The following ARL17B variants were observed in gnomAD, a reference collection of about 807,000 sequenced individuals.
ARL17B encodes ARF like GTPase 17B.
intron 4 of ARL17B, among the ~76,000 whole-genome samples, chr17:46,290,600 C>T (rs62073176): frequency 0.12 from 18,070 of 148,862 alleles, 30 homozygotes; most frequent in Middle Eastern, 0.19. Context: ...GTGCCTGCCA[C>T]CATGCCTGGC....
chr17:46,288,305 CTTTTT>C (rs78255121), intron 4 of ARL17B, among the ~76,000 whole-genome samples: 1 of 112,248 alleles, frequency 8.9e-6, no homozygotes, highest in East Asian at 3.0e-4. Flanking sequence ...CCAGGCCCGG[CTTTTT>C]TTTTTTTTTT....
At chr17:46,290,558 T>C (rs1233316966) in intron 4 of ARL17B, among the ~76,000 whole-genome samples, 2 of 152,286 alleles carry the variant, frequency 1.3e-5, no homozygotes, top group African/African-American at 4.8e-5. Flanking sequence ...GTGATTCTCC[T>C]CCCTCAGCCT....
At chr17:46,287,021 ACTTAAAT>A (rs2049939562) in intron 4 of ARL17B, among the ~76,000 whole-genome samples, 1 of 152,220 alleles carries the variant, frequency 6.6e-6, no homozygotes, top group African/African-American at 2.4e-5. Flanking sequence ...GCTGCATGGT[ACTTAAAT>A]CTGTCTTCCC....
At chr17:46,277,476 G>T (rs1411696613) in intron 4 of ARL17B, among the ~76,000 whole-genome samples, 1 of 152,150 alleles carries the variant, frequency 6.6e-6, no homozygotes, top group Non-Finnish European at 1.5e-5. Context: ...TTTAGAAATT[G>T]AACCAGAGGA....
Position 46,317,162 on chromosome 17 carries a change from C to T in ARL17B, c.260-17497G>A, listed in dbSNP as rs550053872. Among the ~76,000 whole-genome samples the T allele has an allele frequency of 2.4e-4, 20 of 83,442 alleles. 1 individual carries two copies. The highest frequency in any genetic ancestry group is 6.2e-4 in the Admixed American group (5 of 8,076). The allele number at this position is 83,442 out of a possible 152,430, so 54.7% of individuals were successfully genotyped here. ...AGATGGGGTGGCGGCCGGGCAGAGG[C>T]GCTCCTCACATCCCAGACGGGCATG... On this transcript the variant is annotated intron_variant, in intron 3 of 4. Coordinates refer to the ARL17B transcript ENST00000434041.
chr17:46,300,074 T>C (rs573551338), intron 3 of ARL17B, among the ~76,000 whole-genome samples: 2 of 61,576 alleles, frequency 3.2e-5, no homozygotes, highest in East Asian at 5.9e-4. Flanking sequence ...TTATTTTTTA[T>C]CATACAAATA....
chr17:46,334,584 T>G (rs1332824517), downstream of ARL17B: 2 of 36,170 alleles, frequency 5.5e-5, no homozygotes, highest in Non-Finnish European at 9.9e-5. Context: ...GGCAGGCAGC[T>G]AATTTAAAAA....
At position 46,286,829 on chromosome 17, in the gene ARL17B, A is replaced by C. The variant is rs2049932859; in HGVS notation, c.*22-11411T>G. Among the ~76,000 whole-genome samples, 5 of 152,256 alleles carry C rather than the reference A, an allele frequency of 3.3e-5. No individual in the cohort carries two copies. In the South Asian group the frequency reaches 1.0e-3, roughly 31 times the overall value. On this transcript the variant is annotated intron_variant, in intron 4 of 4. Transcript: ENST00000570618. ...GCAGGTGTTCTGCAGATACAGTACA[A>C]TTCCTCACTGCTGCCCTCTTGTGCC...
At chr17:46,284,315 C>A (rs1178770927) in intron 4 of ARL17B, among the ~76,000 whole-genome samples, 1 of 149,018 alleles carries the variant, frequency 6.7e-6, no homozygotes, top group African/African-American at 2.4e-5. Flanking sequence ...GGGCACTTGA[C>A]ATTAGGGAGT....
chr17:46,332,833 T>G, downstream of ARL17B: 1 of 410,480 alleles, frequency 2.4e-6, no homozygotes, highest in Non-Finnish European at 4.7e-6. Context: ...TATTTCAGGA[T>G]TTTTAAAGGA....
At chr17:46,283,412 G>A (rs538494026) in intron 4 of ARL17B, among the ~76,000 whole-genome samples, 1 of 152,340 alleles carries the variant, frequency 6.6e-6, no homozygotes, top group African/African-American at 2.4e-5. Flanking sequence ...GAAAAAGTAG[G>A]CATTCTTATT....
downstream of ARL17B, chr17:46,331,440 C>G (rs1409431404): frequency 4.6e-6 from 7 of 1,514,656 alleles, no homozygotes; most frequent in Non-Finnish European, 6.3e-6. Context: ...AAGAATAATA[C>G]AAAACACACA....
At chr17:46,324,154 C>T (rs1273962921) in intron 3 of ARL17B, among the ~76,000 whole-genome samples, 1 of 117,494 alleles carries the variant, frequency 8.5e-6, no homozygotes, top group Admixed American at 8.6e-5. Context: ...GCCTGTAATC[C>T]CAGCTACTCA....
intron 4 of ARL17B, among the ~76,000 whole-genome samples, chr17:46,289,652 A>ATT (rs1247888507): frequency 6.6e-6 from 1 of 152,222 alleles, no homozygotes; most frequent in Non-Finnish European, 1.5e-5. Context: ...AATCTGACAC[A>ATT]TTTATAAATT....
chr17:46,302,746 T>C lies in ARL17B; in HGVS notation c.260-3081A>G, dbSNP rs2050394194. ...AATTATATTTATGAGTTTTTAGTCA[T>C]ATTATCTGTAAAATGAATAAGGGGT... On this transcript the variant is annotated intron_variant, in intron 3 of 4. Coordinates refer to the ARL17B transcript ENST00000434041. 2 of 169,902 alleles carry C rather than the reference T, an allele frequency of 1.2e-5. 1 individual carries two copies. 10.5% of individuals were successfully genotyped at this position (169,902 alleles called of 1,614,324 possible).
chr17:46,340,076 T>C (rs1461943054), intron 3 of ARL17B, among the ~76,000 whole-genome samples: 1 of 94,250 alleles, frequency 1.1e-5, no homozygotes, highest in Non-Finnish European at 2.5e-5. Context: ...TCAGAGTTTT[T>C]TCTGGAATGT....
chr17:46,287,082 C>A (rs2049940966), intron 4 of ARL17B, among the ~76,000 whole-genome samples: 1 of 152,220 alleles, frequency 6.6e-6, no homozygotes, highest in African/African-American at 2.4e-5. Context: ...TGCTATGAGT[C>A]AGCTAAACAT....
intron 4 of ARL17B, among the ~76,000 whole-genome samples, chr17:46,281,500 G>T (rs2049761644): frequency 6.6e-6 from 1 of 152,000 alleles, no homozygotes; most frequent in Non-Finnish European, 1.5e-5. Flanking sequence ...AGTGATCACA[G>T]CTCACTGCAG....
At chr17:46,285,416 A>AT (rs2049879714) in intron 4 of ARL17B, among the ~76,000 whole-genome samples, 1 of 151,560 alleles carries the variant, frequency 6.6e-6, no homozygotes, top group South Asian at 2.1e-4. Context: ...AGTTTTTTGT[A>AT]TTTTTAGTAG....
Sources: allele counts gnomAD v4.1 joint callset (sites outside exome capture counted in the v4.1 genomes callset), GRCh38; gene constraint gnomAD v4.1.1; transcripts MANE v1.5; gene names NCBI Gene and HGNC (gene_info 2026-07-23, HGNC 2026-07-21).